Variants in MCTP1 observed in about 807,000 individuals in gnomAD.
MCTP1 encodes multiple C2 and transmembrane domain containing 1.
A neutral mutation model predicts 120.6 loss-of-function variants in MCTP1; 69 were observed. The observed-to-expected ratio is 0.57, with a 90% CI of 0.47 to 0.70. MCTP1 has a LOEUF of 0.70. MCTP1 is among the 30% of genes least tolerant of loss of function. The probability of loss-of-function intolerance (pLI) is 0.00; values close to 1 mark genes in which losing one functional copy is unlikely to be tolerated. For synonymous variants in MCTP1, 529 were observed against 493.1 expected (o/e 1.07, Z -0.96); for missense variants, 1,203 against 1,248.8 (o/e 0.96, Z 0.55).
intron 1 of MCTP1, among the ~76,000 whole-genome samples, chr5:95,121,070 A>T (rs1477590027): frequency 1.3e-5 from 2 of 152,102 alleles, no homozygotes; most frequent in African/African-American, 4.8e-5. Context: ...CGAAGTCAGG[A>T]GATCGAGACC....
At chr5:95,257,796 T>TACACACATACATACACACACAC (rs56080673) in intron 1 of MCTP1, among the ~76,000 whole-genome samples, 3 of 125,364 alleles carry the variant, frequency 2.4e-5, no homozygotes, top group Admixed American at 8.1e-5. Context: ...CCAGAAAACA[T>TACACACATACATACACACACAC]ACACACACAC....
chr5:95,167,720 T>A (rs112397350), intron 1 of MCTP1, among the ~76,000 whole-genome samples: 437 of 152,372 alleles, frequency 2.9e-3, no homozygotes, highest in African/African-American at 0.01. Context: ...TTGAGAAGTG[T>A]CTGTTCATAT....
intron 12 of MCTP1, among the ~76,000 whole-genome samples, chr5:94,882,522 T>A (rs1008652985): frequency 7.1e-6 from 1 of 140,262 alleles, no homozygotes; most frequent in South Asian, 2.4e-4. Flanking sequence ...TGCACAATTA[T>A]GTTGCAATGT....
Position 94,912,909 on chromosome 5 carries a change from C to T in MCTP1, c.1418G>A (p.Ser473Asn). The change falls in exon 9 of 23, where the codon AGC becomes AAC. Residue 473 changes from serine (S) to asparagine (N), a missense_variant. By Grantham distance (46) the Ser-to-Asn change is conservative. Around this residue, in one of 2 missense-constraint regions of MCTP1, gnomAD observed 740 missense variants for 871.1 expected, o/e 0.85. Transcript: ENST00000515393. ...RKSHLWRGIV[S>N]ITLIEGRDLK... ...GTCTCTCCCTTCAATCAAGGTGATG[C>T]TGACTATTCCTCTCCAAAGATGCGA... 6.2e-7 allele frequency: 1 copy of T among 1,603,896 alleles called. No homozygotes were observed. The highest frequency in any genetic ancestry group is 1.7e-5 in the Admixed American group (1 of 58,348).
intron 1 of MCTP1, among the ~76,000 whole-genome samples, chr5:95,201,655 C>T (rs1157140119): frequency 3.3e-5 from 5 of 151,550 alleles, no homozygotes; most frequent in African/African-American, 1.2e-4. Flanking sequence ...TAGGTGCCCG[C>T]CATCATGCCT....
chr5:95,121,636 T>C (rs1043136769), intron 1 of MCTP1, among the ~76,000 whole-genome samples: 2 of 149,276 alleles, frequency 1.3e-5, no homozygotes, highest in East Asian at 3.9e-4. Context: ...TTCATAGAAA[T>C]AGAAAAAAAA....
rs1324584369 is a variant in MCTP1, at chr5:94,704,285, G to GT, written c.*3210dup. The GT allele has an allele frequency of 1.3e-5, 2 of 151,500 alleles. No homozygotes were observed. The highest frequency in any genetic ancestry group is 6.6e-5 in the Admixed American group (1 of 15,174). 9.4% of individuals were successfully genotyped at this position (151,500 alleles called of 1,614,324 possible). A position where few individuals can be genotyped will look rare whatever the true frequency, so the allele number is the denominator to read the frequency against. On this transcript the variant is annotated 3_prime_UTR_variant, in exon 23 of 23. Coordinates refer to ENST00000515393, the MANE Select transcript of MCTP1 (RefSeq NM_024717.7). Reference sequence around the variant, plus strand: ...GTATTAATTTAGCAATACCTGAGACGTTTTTCAAGAAGTATAATGGTAGCT... The same window carrying GT: ...GTATTAATTTAGCAATACCTGAGACGTTTTTTCAAGAAGTATAATGGTAGCT...
intron 2 of MCTP1, among the ~76,000 whole-genome samples, chr5:94,960,592 A>G (rs1823880370): frequency 1.3e-5 from 2 of 152,200 alleles, no homozygotes; most frequent in South Asian, 4.1e-4. Context: ...CAACCCCATC[A>G]AAAAGTGGGC....
At chr5:95,219,808 T>C (rs1056780716) in intron 1 of MCTP1, among the ~76,000 whole-genome samples, 1 of 152,222 alleles carries the variant, frequency 6.6e-6, no homozygotes, top group Non-Finnish European at 1.5e-5. Context: ...GTCCCTTCAT[T>C]TGACTCCCCA....
At chr5:95,022,401 G>A (rs564432031) in intron 1 of MCTP1, among the ~76,000 whole-genome samples, 4 of 152,064 alleles carry the variant, frequency 2.6e-5, no homozygotes, top group Non-Finnish European at 4.4e-5. Flanking sequence ...CTTGTTTCCC[G>A]TGTCTTTCTA....
At chr5:94,804,150 A>C (rs1246573622) in intron 17 of MCTP1, among the ~76,000 whole-genome samples, 1 of 152,248 alleles carries the variant, frequency 6.6e-6, no homozygotes, top group African/African-American at 2.4e-5. Flanking sequence ...GGTTTGTTAT[A>C]CAGCAAAAGC....
intron 2 of MCTP1, among the ~76,000 whole-genome samples, chr5:94,981,208 T>C (rs553437571): frequency 6.6e-6 from 1 of 152,244 alleles, no homozygotes; most frequent in East Asian, 1.9e-4. Context: ...GTGGGAAAAG[T>C]CCGAGGTTTC....
At chr5:94,806,557 T>C (rs1777611013) in intron 17 of MCTP1, among the ~76,000 whole-genome samples, 1 of 152,234 alleles carries the variant, frequency 6.6e-6, no homozygotes, top group African/African-American at 2.4e-5. Context: ...ATTGATGCTC[T>C]CATTGAAGTG....
chr5:95,113,246 C>T (rs138004251), intron 1 of MCTP1, among the ~76,000 whole-genome samples: 72 of 152,172 alleles, frequency 4.7e-4, no homozygotes, highest in African/African-American at 1.4e-3. Flanking sequence ...CTCCACCAAT[C>T]GTCCACCCGC....
At chr5:94,774,959 T>C (rs1220145228) in intron 19 of MCTP1, among the ~76,000 whole-genome samples, 1 of 152,122 alleles carries the variant, frequency 6.6e-6, no homozygotes, top group East Asian at 1.9e-4. Context: ...CATAGTTCGT[T>C]TGAGATGCCA....
chr5:95,065,804 C>T (rs976670186), intron 1 of MCTP1, among the ~76,000 whole-genome samples: 2 of 152,056 alleles, frequency 1.3e-5, no homozygotes, highest in Admixed American at 1.3e-4. Context: ...AATTGAGTAT[C>T]CACACGCAGA....
chr5:95,075,634 T>A (rs1246967683), intron 1 of MCTP1, among the ~76,000 whole-genome samples: 2 of 152,212 alleles, frequency 1.3e-5, no homozygotes, highest in Non-Finnish European at 2.9e-5. Flanking sequence ...GAGACGCTGC[T>A]CTTTGTTTTA....
intron 1 of MCTP1, among the ~76,000 whole-genome samples, chr5:95,085,769 T>C (rs2152331813): frequency 6.6e-6 from 1 of 152,230 alleles, no homozygotes; most frequent in East Asian, 1.9e-4. Context: ...AGATCCACGA[T>C]GCTGAAATAC....
chr5:95,108,928 T>A (rs1411074267), intron 1 of MCTP1, among the ~76,000 whole-genome samples: 1 of 152,224 alleles, frequency 6.6e-6, no homozygotes, highest in Non-Finnish European at 1.5e-5. Context: ...TTATATTTTT[T>A]AATTAAAATA....
Sources: gnomAD v4.1 joint callset for allele counts (sites outside exome capture counted in the v4.1 genomes callset) on GRCh38, gnomAD v4.1.1 for gene constraint, gnomAD v4.1.1 regional missense constraint, MANE v1.5 for transcripts, NCBI Gene and HGNC (gene_info 2026-07-23, HGNC 2026-07-21) for gene names.